PDZRN4: variants seen among roughly 807,000 people sequenced by gnomAD.
The protein encoded by PDZRN4 is PDZ domain containing ring finger 4.
Under a neutral mutation model 99.0 loss-of-function variants are expected in PDZRN4, and 70 were observed. The ratio of observed to expected loss-of-function variants is 0.71; its 90% CI spans 0.58 to 0.86. The LOEUF (loss-of-function observed/expected upper bound fraction) is 0.86. PDZRN4 is among the 40% of genes least tolerant of loss of function. The pLI, the probability that PDZRN4 is intolerant of heterozygous loss-of-function variation, is 0.00. For missense variants in PDZRN4, 1,474 were observed against 1,331.2 expected (o/e 1.11, Z -1.67); for synonymous variants, 551 against 501.6 (o/e 1.10, Z -1.32).
intron 3 of PDZRN4, among the ~76,000 whole-genome samples, chr12:41,447,638 C>G (rs926765407): frequency 2.0e-5 from 3 of 152,100 alleles, no homozygotes; most frequent in Admixed American, 2.0e-4. Context: ...TTCAGTCTAA[C>G]AATGACCCTA....
intron 3 of PDZRN4, among the ~76,000 whole-genome samples, chr12:41,204,841 A>G (rs1950837862): frequency 6.6e-6 from 1 of 151,886 alleles, no homozygotes; most frequent in Non-Finnish European, 1.5e-5. Context: ...TAGAAGTACT[A>G]TTGACACTGG....
chr12:41,363,060 T>C (rs1951974409), intron 3 of PDZRN4, among the ~76,000 whole-genome samples: 1 of 152,050 alleles, frequency 6.6e-6, no homozygotes, highest in African/African-American at 2.4e-5. Flanking sequence ...ACCCCACAGT[T>C]TGAGAGCATG....
chr12:41,501,912 T>C (rs1341943168), intron 3 of PDZRN4, among the ~76,000 whole-genome samples: 1 of 152,136 alleles, frequency 6.6e-6, no homozygotes, highest in Non-Finnish European at 1.5e-5. Flanking sequence ...GTTAATTCAT[T>C]TGAATATATA....
intron 3 of PDZRN4, among the ~76,000 whole-genome samples, chr12:41,423,163 T>C (rs1015399207): frequency 6.6e-6 from 1 of 152,118 alleles, no homozygotes; most frequent in Non-Finnish European, 1.5e-5. Flanking sequence ...TTTTTTATTA[T>C]ACTTTAAGTT....
intron 3 of PDZRN4, among the ~76,000 whole-genome samples, chr12:41,290,191 T>G (rs1951448449): frequency 6.6e-6 from 1 of 152,232 alleles, no homozygotes; most frequent in African/African-American, 2.4e-5. Flanking sequence ...TTTAAAGTAC[T>G]GTGGTTGGCT....
chr12:41,520,459 CTCGAAAAGGATT>C (rs1464964637), intron 5 of PDZRN4, among the ~76,000 whole-genome samples: 2 of 152,078 alleles, frequency 1.3e-5, no homozygotes, highest in African/African-American at 2.4e-5. Context: ...AAGCATAAAT[CTCGAAAAGGATT>C]TAGAACTGAG....
At chr12:41,242,638 C>A (rs79174655) in intron 3 of PDZRN4, among the ~76,000 whole-genome samples, 1 of 152,068 alleles carries the variant, frequency 6.6e-6, no homozygotes, top group Non-Finnish European at 1.5e-5. Flanking sequence ...GACACACACA[C>A]ACACACACAC....
intron 3 of PDZRN4, among the ~76,000 whole-genome samples, chr12:41,269,081 A>G (rs1258825901): frequency 2.6e-5 from 4 of 152,210 alleles, no homozygotes; most frequent in African/African-American, 4.8e-5. Flanking sequence ...GTAAAAGGAA[A>G]TGGAATAAAA....
chr12:41,292,956 G>A (rs12296962), intron 3 of PDZRN4, among the ~76,000 whole-genome samples: 12,067 of 151,526 alleles, frequency 0.08, 627 homozygotes, highest in African/African-American at 0.14. Flanking sequence ...TCTTTTCTGA[G>A]ATACGGCTAG....
chr12:41,420,269 C>A (rs1280687233), intron 3 of PDZRN4, among the ~76,000 whole-genome samples: 1 of 152,062 alleles, frequency 6.6e-6, no homozygotes, highest in African/African-American at 2.4e-5. Flanking sequence ...CCACTCTCAC[C>A]TTTTCTAGAT....
intron 3 of PDZRN4, among the ~76,000 whole-genome samples, chr12:41,321,051 T>G (rs1189154973): frequency 1.3e-5 from 2 of 152,232 alleles, no homozygotes; most frequent in African/African-American, 4.8e-5. Flanking sequence ...CATTTTAGTA[T>G]GAAGTAAAAT....
At chr12:41,339,928 G>A (rs1247666388) in intron 3 of PDZRN4, among the ~76,000 whole-genome samples, 1 of 151,982 alleles carries the variant, frequency 6.6e-6, no homozygotes, top group Non-Finnish European at 1.5e-5. Context: ...AGTAATGAAT[G>A]CTGGTGAGAA....
At chr12:41,557,756 G>C (rs1042553598) in intron 7 of PDZRN4, among the ~76,000 whole-genome samples, 1 of 151,846 alleles carries the variant, frequency 6.6e-6, no homozygotes, top group Non-Finnish European at 1.5e-5. Context: ...ATTAATGATC[G>C]TTTGGGGTCC....
At chr12:41,402,993 G>A (rs555933661) in intron 3 of PDZRN4, among the ~76,000 whole-genome samples, 8 of 151,988 alleles carry the variant, frequency 5.3e-5, no homozygotes, top group Admixed American at 1.3e-4. Flanking sequence ...GTGACTCATC[G>A]CTTAATAATT....
intron 3 of PDZRN4, among the ~76,000 whole-genome samples, chr12:41,202,320 G>C (rs919261643): frequency 6.6e-6 from 1 of 152,054 alleles, no homozygotes; most frequent in African/African-American, 2.4e-5. Flanking sequence ...TTCAAGGCAA[G>C]TTTAGGGAGG....
In PDZRN4 at chr12:41,490,755, G is replaced by A. The variant is rs140255042; in HGVS notation, c.844-15701G>A. ...ATTGGCTTATTGATTTTAGAGAGGGGATCTCACTTTGTCACCCAGGCTGGA... is the reference window on the plus strand; with the variant it reads ...ATTGGCTTATTGATTTTAGAGAGGGAATCTCACTTTGTCACCCAGGCTGGA... On this transcript the variant is annotated intron_variant, in intron 3 of 9. Transcript: ENST00000402685. Among the ~76,000 whole-genome samples the A allele has an allele frequency of 2.0e-3, 304 of 152,046 alleles. 6 individuals carry two copies. The East Asian group carries it at 0.037, about 19-fold the overall frequency.
chr12:41,241,557 C>T (rs1022036761), intron 3 of PDZRN4, among the ~76,000 whole-genome samples: 30 of 151,194 alleles, frequency 2.0e-4, no homozygotes, highest in African/African-American at 7.4e-4. Flanking sequence ...TCTCAGTTCC[C>T]TCATCTATAA....
chr12:41,295,997 T>A (rs1951491157), intron 3 of PDZRN4, among the ~76,000 whole-genome samples: 1 of 151,986 alleles, frequency 6.6e-6, no homozygotes, highest in Non-Finnish European at 1.5e-5. Flanking sequence ...TGAGGAAAAA[T>A]TTCATCTTGC....
At chr12:41,436,523 G>A (rs1163375407) in intron 3 of PDZRN4, among the ~76,000 whole-genome samples, 2 of 152,178 alleles carry the variant, frequency 1.3e-5, no homozygotes, top group Admixed American at 1.3e-4. Context: ...AGAGTCGTCA[G>A]TTTCCAAGTA....
Sources: gnomAD v4.1 joint callset for allele counts (sites outside exome capture counted in the v4.1 genomes callset) on GRCh38, gnomAD v4.1.1 for gene constraint, MANE v1.5 for transcripts, NCBI Gene and HGNC (gene_info 2026-07-23, HGNC 2026-07-21) for gene names.